The following NAALADL2 variants were observed in gnomAD, a reference collection of about 807,000 sequenced individuals.
NAALADL2 encodes the protein N-acetylated alpha-linked acidic dipeptidase like 2.
Under a neutral mutation model 87.2 loss-of-function variants are expected in NAALADL2, and 76 were observed. The ratio of observed to expected loss-of-function variants is 0.87; its 90% CI spans 0.72 to 1.05. The LOEUF (loss-of-function observed/expected upper bound fraction) is 1.05, where lower values mean the gene tolerates loss of function less well. Ranked by LOEUF, NAALADL2 falls within the 50% of genes least tolerant of loss-of-function variation. The pLI is 0.00. For synonymous variants in NAALADL2, 354 were observed against 331.0 expected (o/e 1.07, Z -0.75); for missense variants, 1,089 against 945.8 (o/e 1.15, Z -1.99).
In NAALADL2 at chr3:175,512,692, T is replaced by C. The variant is rs529992878; in HGVS notation, c.1653+40934T>C. ...TTCTTGAGTAGGAGCCGAACTACTA[T>C]ACAATTTTCTTGAGAAGACCAGCAG... On this transcript the variant is annotated intron_variant, in intron 9 of 13. Coordinates refer to ENST00000454872, the MANE Select transcript of NAALADL2 (RefSeq NM_207015.3). Among the ~76,000 whole-genome samples the C allele has an allele frequency of 2.8e-4, 42 of 152,324 alleles. 1 individual carries two copies. In the South Asian group the frequency reaches 8.3e-3, roughly 30 times the overall value.
chr3:175,087,569 ATTC>A (rs1719261559), intron 1 of NAALADL2, among the ~76,000 whole-genome samples: 1 of 152,218 alleles, frequency 6.6e-6, no homozygotes, highest in African/African-American at 2.4e-5. Context: ...ACTAAGAAAA[ATTC>A]TTCTGCCTTG....
At chr3:175,408,848 G>A (rs1712927879) in intron 5 of NAALADL2, among the ~76,000 whole-genome samples, 1 of 151,922 alleles carries the variant, frequency 6.6e-6, no homozygotes, top group Non-Finnish European at 1.5e-5. Flanking sequence ...GCTGGAATAG[G>A]TAGTCAAATA....
chr3:174,749,151 T>C (rs1297055048), intron 3 of NAALADL2, among the ~76,000 whole-genome samples: 2 of 152,186 alleles, frequency 1.3e-5, no homozygotes, highest in East Asian at 3.8e-4. Context: ...CTGCCTATTG[T>C]GTAGGATGCT....
intron 2 of NAALADL2, among the ~76,000 whole-genome samples, chr3:175,108,393 T>C (rs1242067261): frequency 6.6e-6 from 1 of 151,946 alleles, no homozygotes; most frequent in Admixed American, 6.6e-5. Context: ...AATGTGCAAA[T>C]CTAATTCTCA....
intron 3 of NAALADL2, among the ~76,000 whole-genome samples, chr3:174,750,343 C>G (rs546906292): frequency 6.5e-4 from 99 of 152,250 alleles, no homozygotes; most frequent in Admixed American, 5.4e-3. Context: ...ATATGGCTTC[C>G]CAGTTTTTGT....
rs985838142 is a variant in NAALADL2 at position 174,914,209 on chromosome 3, C to T, written c.43+54759C>T. Reference sequence around the variant, plus strand: ...TCCCGAGTAGTTGGGATTACAGGCACCCACCACCACATCAGGCTAATTTTT... The same window carrying T: ...TCCCGAGTAGTTGGGATTACAGGCATCCACCACCACATCAGGCTAATTTTT... On this transcript the variant is annotated intron_variant, in intron 1 of 13. Transcript: ENST00000454872. 1.7e-4 allele frequency among the ~76,000 whole-genome samples: 26 copies of T among 151,792 alleles called. No homozygotes were observed. The East Asian group carries it at 4.1e-3, about 24-fold the overall frequency.
intron 9 of NAALADL2, among the ~76,000 whole-genome samples, chr3:175,472,380 T>A (rs867409462): frequency 6.6e-6 from 1 of 152,290 alleles, no homozygotes; most frequent in Middle Eastern, 3.4e-3. Flanking sequence ...TTTTTCCTGT[T>A]TATTAGTAGA....
At chr3:175,704,720 T>G (rs1739443230) in intron 11 of NAALADL2, among the ~76,000 whole-genome samples, 1 of 152,140 alleles carries the variant, frequency 6.6e-6, no homozygotes, top group Non-Finnish European at 1.5e-5. Flanking sequence ...TTTGGTGACT[T>G]TAAAGATTCT....
intron 1 of NAALADL2, among the ~76,000 whole-genome samples, chr3:175,003,602 T>A (rs1748547925): frequency 6.6e-6 from 1 of 151,774 alleles, no homozygotes; most frequent in African/African-American, 2.4e-5. Flanking sequence ...ATAAGTTAAA[T>A]AAGAAAAAAA....
chr3:174,625,598 A>G (rs1209166905), intron 2 of NAALADL2, among the ~76,000 whole-genome samples: 1 of 151,686 alleles, frequency 6.6e-6, no homozygotes, highest in East Asian at 1.9e-4. Context: ...TAAAATCCTA[A>G]ATAATCAGAA....
intron 1 of NAALADL2, among the ~76,000 whole-genome samples, chr3:174,972,438 C>T (rs1021967938): frequency 1.3e-5 from 2 of 152,156 alleles, no homozygotes; most frequent in Non-Finnish European, 1.5e-5. Context: ...GTCCCTTCCT[C>T]GGCTTACAGA....
chr3:175,561,972 A>G (rs1353102362), intron 9 of NAALADL2, among the ~76,000 whole-genome samples: 1 of 152,178 alleles, frequency 6.6e-6, no homozygotes, highest in African/African-American at 2.4e-5. Context: ...TGGTGGGAGG[A>G]CATACTAAAT....
At chr3:174,874,403 G>C (rs1249961354) in intron 1 of NAALADL2, among the ~76,000 whole-genome samples, 1 of 152,136 alleles carries the variant, frequency 6.6e-6, no homozygotes, top group Non-Finnish European at 1.5e-5. Context: ...GGCAGCATGG[G>C]GATTTCCTAT....
chr3:175,630,544 A>T (rs981443422), intron 11 of NAALADL2, among the ~76,000 whole-genome samples: 1 of 151,798 alleles, frequency 6.6e-6, no homozygotes, highest in Non-Finnish European at 1.5e-5. Context: ...TGTTTTTACT[A>T]TAAAATATAC....
chr3:174,608,364 T>C (rs1450342457), intron 2 of NAALADL2, among the ~76,000 whole-genome samples: 3 of 151,576 alleles, frequency 2.0e-5, no homozygotes, highest in Non-Finnish European at 4.4e-5. Context: ...TTCAAAAAAT[T>C]AATGAATCCA....
intron 5 of NAALADL2, among the ~76,000 whole-genome samples, chr3:175,357,967 A>G (rs879550585): frequency 1.3e-5 from 2 of 152,190 alleles, no homozygotes; most frequent in Non-Finnish European, 2.9e-5. Flanking sequence ...TGGGGAGGTT[A>G]CCTAAGTTCA....
At chr3:175,522,747 C>A (rs1246327056) in intron 9 of NAALADL2, among the ~76,000 whole-genome samples, 1 of 152,080 alleles carries the variant, frequency 6.6e-6, no homozygotes, top group Non-Finnish European at 1.5e-5. Flanking sequence ...TTAAAACTTG[C>A]CTGCTTTCTC....
intron 5 of NAALADL2, among the ~76,000 whole-genome samples, chr3:175,340,073 T>A: frequency 6.6e-6 from 1 of 152,198 alleles, no homozygotes; most frequent in East Asian, 1.9e-4. Flanking sequence ...CTAATCAGTT[T>A]ATTTTCTCTT....
At chr3:175,024,967 G>T (rs574136923) in intron 1 of NAALADL2, among the ~76,000 whole-genome samples, 2 of 152,180 alleles carry the variant, frequency 1.3e-5, no homozygotes, top group Admixed American at 1.3e-4. Context: ...AGATATAAAG[G>T]TGAGAGAAAA....
Sources: gnomAD v4.1 joint callset for allele counts (sites outside exome capture counted in the v4.1 genomes callset) on GRCh38, gnomAD v4.1.1 for gene constraint, MANE v1.5 for transcripts, NCBI Gene and HGNC (gene_info 2026-07-23, HGNC 2026-07-21) for gene names.